Variants in GTF2F2 observed in about 807,000 individuals in gnomAD.
The protein encoded by GTF2F2 is ATP-dependent helicase GTF2F2.
GTF2F2 carries 23 observed loss-of-function variants against 42.2 expected under a neutral mutation model. The ratio of observed to expected loss-of-function variants is 0.55; its 90% CI spans 0.39 to 0.77. GTF2F2 has a LOEUF of 0.77. Among genes scored for constraint, GTF2F2 ranks in the 30% least tolerant of loss-of-function variants. GTF2F2 has a pLI of 0.00. For synonymous variants in GTF2F2, 105 were observed against 100.8 expected, an observed-to-expected ratio of 1.04 and a Z score of -0.25; for missense variants, 261 against 287.2, an observed-to-expected ratio of 0.91 and a Z score of 0.66.
chr13:45,164,137 C>T (rs1871157735), intron 4 of GTF2F2, among the ~76,000 whole-genome samples: 1 of 151,994 alleles, frequency 6.6e-6, no homozygotes. Flanking sequence ...AAAATTAGTC[C>T]AGCGTGGTGG....
In GTF2F2 at chr13:45,254,374, T is replaced by A. The variant is rs1876010845; in HGVS notation, c.486+1404T>A. Among the ~76,000 whole-genome samples the A allele has an allele frequency of 2.0e-5, 3 of 152,314 alleles. No individual in the cohort carries two copies. In the South Asian group the frequency reaches 6.2e-4, roughly 32 times the overall value. On this transcript the variant is annotated intron_variant, in intron 6 of 7. Transcript: ENST00000340473. ...ATATCTCCTGCCAATAAGGGGAAAGTATTGTATATTTATATTTCAAGACTT... is the reference window on the plus strand; with the variant it reads ...ATATCTCCTGCCAATAAGGGGAAAGAATTGTATATTTATATTTCAAGACTT...
At chr13:45,146,350 T>G (rs1393788981) in intron 2 of GTF2F2, among the ~76,000 whole-genome samples, 1 of 151,988 alleles carries the variant, frequency 6.6e-6, no homozygotes, top group Non-Finnish European at 1.5e-5. Context: ...AAAATAAATG[T>G]TAGCTAGATA....
At chr13:45,256,253 G>A (rs935907708) in intron 6 of GTF2F2, among the ~76,000 whole-genome samples, 3 of 152,002 alleles carry the variant, frequency 2.0e-5, no homozygotes, top group African/African-American at 7.3e-5. Context: ...AGGAAAGAAA[G>A]CCAGGGAAGA....
intron 4 of GTF2F2, chr13:45,193,528 A>G: frequency 8.3e-6 from 3 of 360,556 alleles, no homozygotes; most frequent in Non-Finnish European, 1.5e-5. Context: ...ATAAATAGCA[A>G]AAGCTTTCAG....
intron 5 of GTF2F2, among the ~76,000 whole-genome samples, chr13:45,243,016 C>T (rs1258971877): frequency 6.6e-6 from 1 of 152,018 alleles, no homozygotes; most frequent in Admixed American, 6.6e-5. Context: ...AGAATATACA[C>T]AGTAATTTGC....
intron 4 of GTF2F2, among the ~76,000 whole-genome samples, chr13:45,188,744 C>A (rs1452072523): frequency 6.6e-6 from 1 of 152,104 alleles, no homozygotes; most frequent in Non-Finnish European, 1.5e-5. Context: ...ACTCGAGAGC[C>A]CATGTGTGTT....
chr13:45,148,942 G>A (rs574219572), intron 2 of GTF2F2, among the ~76,000 whole-genome samples: 2 of 151,824 alleles, frequency 1.3e-5, no homozygotes, highest in East Asian at 3.9e-4. Context: ...ATTTATATGT[G>A]GGCATATATT....
chr13:45,252,773 ATAT>A (rs1875931840), intron 5 of GTF2F2, 95 bp from the exon 6 acceptor site: 1 of 622,488 alleles, frequency 1.6e-6, no homozygotes, highest in South Asian at 2.1e-5. Context: ...ACCTTTTTAT[ATAT>A]TAGTTTTCAT....
intron 4 of GTF2F2, among the ~76,000 whole-genome samples, chr13:45,175,350 T>A (rs1400147003): frequency 1.3e-5 from 2 of 152,140 alleles, no homozygotes; most frequent in Non-Finnish European, 2.9e-5. Context: ...CTGTTGGACG[T>A]GTAAGTTGAT....
At chr13:45,142,424 TC>T in intron 2 of GTF2F2, among the ~76,000 whole-genome samples, 1 of 152,184 alleles carries the variant, frequency 6.6e-6, no homozygotes, top group Non-Finnish European at 1.5e-5. Context: ...TGCCTTGGCC[TC>T]CCAAAGTGCT....
intron 7 of GTF2F2, among the ~76,000 whole-genome samples, chr13:45,278,803 CCTTTTT>C (rs1275913389): frequency 2.1e-5 from 3 of 141,506 alleles, no homozygotes; most frequent in Admixed American, 7.1e-5. Context: ...TGCCAATTTG[CCTTTTT>C]CTTTTTCTTT....
At chr13:45,130,112 T>C (rs1039941166) in intron 1 of GTF2F2, among the ~76,000 whole-genome samples, 2 of 152,144 alleles carry the variant, frequency 1.3e-5, no homozygotes, top group African/African-American at 2.4e-5. Context: ...CCTAAGACAT[T>C]ATAGGAGTTT....
intron 4 of GTF2F2, among the ~76,000 whole-genome samples, chr13:45,186,545 C>A (rs748578839): frequency 1.3e-5 from 2 of 152,100 alleles, no homozygotes; most frequent in African/African-American, 4.8e-5. Flanking sequence ...CCCGCCTCAG[C>A]CTCCCAAAGT....
At chr13:45,176,674 T>C (rs189934012) in intron 4 of GTF2F2, among the ~76,000 whole-genome samples, 1 of 152,340 alleles carries the variant, frequency 6.6e-6, no homozygotes, top group African/African-American at 2.4e-5. Context: ...TTGTGTCTCT[T>C]TAAGAAATTG....
At chr13:45,234,062 C>G (rs1244945918) in intron 5 of GTF2F2, among the ~76,000 whole-genome samples, 1 of 152,170 alleles carries the variant, frequency 6.6e-6, no homozygotes, top group Non-Finnish European at 1.5e-5. Context: ...ATAAGCAACG[C>G]AGATCATCAT....
chr13:45,258,784 C>T (rs966994565), intron 6 of GTF2F2, among the ~76,000 whole-genome samples: 3 of 152,124 alleles, frequency 2.0e-5, no homozygotes, highest in African/African-American at 7.2e-5. Context: ...TTTATAAATA[C>T]AGTAGTACGT....
chr13:45,160,017 G>C (rs1219826926), intron 4 of GTF2F2, among the ~76,000 whole-genome samples: 1 of 152,098 alleles, frequency 6.6e-6, no homozygotes, highest in Non-Finnish European at 1.5e-5. Flanking sequence ...TATGCAGTGG[G>C]ACTTTCTGAG....
rs1405159639 is a variant in GTF2F2 at position 45,283,850 on chromosome 13, G to A, written c.*289G>A. The stretch of plus-strand genomic sequence containing the variant: ...TTTTTCTTAAATATTAGCTTTTAAT[G>A]TGTACAATTAGGAAATTTTTTTAAG... On this transcript the variant is annotated 3_prime_UTR_variant, in exon 8 of 8. Transcript: ENST00000340473. 4 of 167,090 alleles carry A rather than the reference G, an allele frequency of 2.4e-5. No homozygotes were observed. Among genetic ancestry groups the A allele is most frequent in the East Asian group, 1.6e-4 (1 of 6,432 alleles). The allele number at this position is 167,090 out of a possible 1,614,324, so 10.4% of individuals were successfully genotyped here.
intron 7 of GTF2F2, among the ~76,000 whole-genome samples, chr13:45,274,666 T>C (rs1324537546): frequency 6.6e-6 from 1 of 152,124 alleles, no homozygotes; most frequent in Non-Finnish European, 1.5e-5. Flanking sequence ...TCAGGCCAGA[T>C]GTGTTGGCTC....
Sources: allele counts gnomAD v4.1 joint callset (sites outside exome capture counted in the v4.1 genomes callset), GRCh38; gene constraint gnomAD v4.1.1; transcripts MANE v1.5; gene names NCBI Gene and HGNC (gene_info 2026-07-23, HGNC 2026-07-21).